Variants in ESRRB observed in about 807,000 individuals in gnomAD.
ESRRB encodes the protein estrogen related receptor beta, also known as steroid hormone receptor ERR2.
In ESRRB, 16 loss-of-function variants were observed where a neutral mutation model predicts 46.0. That is an observed-to-expected ratio of 0.35 (90% CI 0.24 to 0.53). ESRRB has a LOEUF of 0.53. ESRRB is among the 20% of genes least tolerant of loss of function. The probability of loss-of-function intolerance (pLI) is 0.93; values close to 1 mark genes in which losing one functional copy is unlikely to be tolerated. For synonymous variants in ESRRB, 246 were observed against 259.6 expected, an observed-to-expected ratio of 0.95 and a Z score of 0.50; for missense variants, 488 against 607.4, an observed-to-expected ratio of 0.80 and a Z score of 2.07.
chr14:76,455,102 A>T (rs1271926143), intron 2 of ESRRB, among the ~76,000 whole-genome samples: 3 of 152,190 alleles, frequency 2.0e-5, no homozygotes, highest in African/African-American at 7.2e-5. Context: ...CTGTAATCCC[A>T]GCTACTTGGG....
chr14:76,315,454 C>G (rs1197375604), intron 1 of ESRRB, among the ~76,000 whole-genome samples: 1 of 152,198 alleles, frequency 6.6e-6, no homozygotes, highest in Non-Finnish European at 1.5e-5. Context: ...AGCCAGGGTT[C>G]AAATCCTGGC....
At chr14:76,397,800 T>C (rs1163768679) in intron 1 of ESRRB, among the ~76,000 whole-genome samples, 1 of 152,174 alleles carries the variant, frequency 6.6e-6, no homozygotes, top group Non-Finnish European at 1.5e-5. Context: ...AGGGGGCTTC[T>C]GAATAACCTC....
At chr14:76,349,564 G>A (rs1038882826) in intron 1 of ESRRB, among the ~76,000 whole-genome samples, 2 of 152,202 alleles carry the variant, frequency 1.3e-5, no homozygotes, top group African/African-American at 4.8e-5. Context: ...TTAATGGACA[G>A]CTCTAGAATG....
chr14:76,452,652 AC>A (rs765161736), intron 2 of ESRRB, among the ~76,000 whole-genome samples: 4,811 of 139,140 alleles, frequency 0.035, 152 homozygotes, highest in East Asian at 0.12. Context: ...ACAAAACAAA[AC>A]AAAAAAAAAG....
intron 5 of ESRRB, among the ~76,000 whole-genome samples, chr14:76,488,564 T>A (rs552197312): frequency 6.6e-6 from 1 of 152,332 alleles, no homozygotes; most frequent in African/African-American, 2.4e-5. Context: ...AGTCAAAGCC[T>A]GTGGCATTTG....
At chr14:76,367,144 G>A (rs1884531383), upstream of ESRRB, among the ~76,000 whole-genome samples, 2 of 152,090 alleles carry the variant, frequency 1.3e-5, no homozygotes, top group African/African-American at 4.8e-5. Context: ...AGGGAAGTAA[G>A]GGGAGGGGAG....
chr14:76,409,050 G>A (rs928778612), intron 1 of ESRRB, among the ~76,000 whole-genome samples: 2 of 152,164 alleles, frequency 1.3e-5, no homozygotes, highest in African/African-American at 4.8e-5. Flanking sequence ...TCACCAATGG[G>A]CACTTAACCC....
intron 1 of ESRRB, among the ~76,000 whole-genome samples, chr14:76,390,906 A>G (rs944037295): frequency 6.6e-6 from 1 of 152,144 alleles, no homozygotes; most frequent in Non-Finnish European, 1.5e-5. Flanking sequence ...TGAGGTCAGG[A>G]GAGGAATGAA....
intron 2 of ESRRB, among the ~76,000 whole-genome samples, chr14:76,445,977 C>T (rs1294741273): frequency 6.6e-6 from 1 of 152,182 alleles, no homozygotes; most frequent in Non-Finnish European, 1.5e-5. Context: ...TGAGCCACTG[C>T]GTCCAATCCA....
At chr14:76,391,705 G>C (rs1885476578) in intron 1 of ESRRB, among the ~76,000 whole-genome samples, 1 of 152,266 alleles carries the variant, frequency 6.6e-6, no homozygotes, top group Non-Finnish European at 1.5e-5. Context: ...TTCAGTAAAT[G>C]TGAGGTAGAA....
At chr14:76,337,275 T>G (rs529083347) in intron 1 of ESRRB, among the ~76,000 whole-genome samples, 76 of 152,234 alleles carry the variant, frequency 5.0e-4, no homozygotes, top group African/African-American at 1.6e-3. Flanking sequence ...TGTCCCATGA[T>G]GTGGGAAGGC....
intron 1 of ESRRB, among the ~76,000 whole-genome samples, chr14:76,328,988 AG>A (rs1323777105): frequency 2.6e-5 from 4 of 152,186 alleles, no homozygotes; most frequent in Admixed American, 1.3e-4. Flanking sequence ...AGTTCAAAAG[AG>A]AGCAGGGGCT....
At chr14:76,409,672 C>T (rs1886349111) in intron 1 of ESRRB, among the ~76,000 whole-genome samples, 1 of 152,042 alleles carries the variant, frequency 6.6e-6, no homozygotes, top group South Asian at 2.1e-4. Context: ...TTCCCTGCAT[C>T]TAGCAACTGG....
chr14:76,412,718 T>C (rs1886495332), intron 1 of ESRRB, among the ~76,000 whole-genome samples: 1 of 152,238 alleles, frequency 6.6e-6, no homozygotes, highest in South Asian at 2.1e-4. Flanking sequence ...TGAAAGATTT[T>C]CCATTTACAT....
At chr14:76,437,690 G>A (rs963048713) in intron 1 of ESRRB, among the ~76,000 whole-genome samples, 2 of 152,112 alleles carry the variant, frequency 1.3e-5, no homozygotes, top group Admixed American at 1.3e-4. Flanking sequence ...CACCACCCAG[G>A]CCACCCTCAG....
intron 2 of ESRRB, among the ~76,000 whole-genome samples, chr14:76,445,532 C>T (rs191210301): frequency 6.6e-6 from 1 of 151,368 alleles, no homozygotes; most frequent in African/African-American, 2.4e-5. Context: ...TCATGTTAAT[C>T]GTGTTACCTC....
rs759379674 is a variant in ESRRB at position 76,350,567 on chromosome 14, C to G, written c.2+39651C>G. ...CTTCACAATGAGGGACTGAGTCACT[C>G]CCCAGTTTTCAGATTTGGCACTTTG... On this transcript the variant is annotated intron_variant, in intron 1 of 6. Transcript: ENST00000512784. Among the ~76,000 whole-genome samples the G allele has an allele frequency of 7.2e-5, 11 of 152,178 alleles. No homozygotes were observed. In the South Asian group the frequency reaches 8.3e-4, roughly 11 times the overall value.
intron 1 of ESRRB, among the ~76,000 whole-genome samples, chr14:76,317,493 A>G (rs72729683): frequency 0.066 from 10,040 of 152,158 alleles, 486 homozygotes; most frequent in Admixed American, 0.09. Context: ...CTTTATATGC[A>G]CACAGGTCAG....
Position 76,439,473 on chromosome 14 carries a change from C to T in ESRRB, c.183C>T (p.Asp61=), listed in dbSNP as rs1308703931. The stretch of plus-strand genomic sequence containing the variant: ...ACCACAGCCCCAGTGGCTCGTCCGA[C>T]GCCAGCGGCGGCTTTGGCCTGGCCC... ...LSHHSPSGSS[D]ASGGFGLALG... Residue 61 remains aspartate, a synonymous_variant, in exon 2 of 7, where the codon GAC becomes GAT. Transcript: ENST00000644823. The T allele has an allele frequency of 3.1e-6, 5 of 1,612,294 alleles. No individual in the cohort carries two copies. Among genetic ancestry groups the T allele is most frequent in the Non-Finnish European group, 4.2e-6 (5 of 1,179,748 alleles).
Sources: gnomAD v4.1 joint callset for allele counts (sites outside exome capture counted in the v4.1 genomes callset) on GRCh38, gnomAD v4.1.1 for gene constraint, MANE v1.5 for transcripts, NCBI Gene and HGNC (gene_info 2026-07-23, HGNC 2026-07-21) for gene names.